The following BRINP3 variants were observed in gnomAD, a reference collection of about 807,000 sequenced individuals.
BRINP3 encodes the protein BMP/retinoic acid-inducible neural-specific protein 3.
Under a neutral mutation model 71.0 loss-of-function variants are expected in BRINP3, and 19 were observed. That is an observed-to-expected ratio of 0.27 (90% CI 0.19 to 0.39). BRINP3 has a LOEUF of 0.39. BRINP3 is among the 10% of genes least tolerant of loss of function. The pLI is 1.00. For synonymous variants in BRINP3, 380 were observed against 337.7 expected (o/e 1.13, Z -1.37); for missense variants, 959 against 940.8 (o/e 1.02, Z -0.25).
chr1:190,398,338 G>A (rs1671712809), intron 2 of BRINP3, among the ~76,000 whole-genome samples: 1 of 151,868 alleles, frequency 6.6e-6, no homozygotes, highest in Non-Finnish European at 1.5e-5. Flanking sequence ...ACAGGAAGCC[G>A]ACTATATATC....
intron 2 of BRINP3, among the ~76,000 whole-genome samples, chr1:190,441,674 A>C (rs1674830334): frequency 6.6e-6 from 1 of 152,288 alleles, no homozygotes; most frequent in African/African-American, 2.4e-5. Context: ...AAAGAAAATT[A>C]TTGACAGATT....
chr1:190,132,059 A>G (rs1193059654), intron 7 of BRINP3, among the ~76,000 whole-genome samples: 1 of 152,048 alleles, frequency 6.6e-6, no homozygotes, highest in Non-Finnish European at 1.5e-5. Flanking sequence ...CTAAGCATCA[A>G]TTTATAATAT....
chr1:190,362,841 T>A (rs1413390045), intron 2 of BRINP3, among the ~76,000 whole-genome samples: 1 of 152,108 alleles, frequency 6.6e-6, no homozygotes, highest in Non-Finnish European at 1.5e-5. Context: ...GAACTGTGAG[T>A]CCATTAAATC....
chr1:190,318,896 G>T (rs12090663), intron 2 of BRINP3, among the ~76,000 whole-genome samples: 1 of 151,846 alleles, frequency 6.6e-6, no homozygotes, highest in African/African-American at 2.4e-5. Context: ...ATAACAAAGC[G>T]CAGATGTAGA....
intron 6 of BRINP3, among the ~76,000 whole-genome samples, chr1:190,193,309 T>C (rs1482007822): frequency 6.6e-6 from 1 of 151,950 alleles, no homozygotes; most frequent in African/African-American, 2.4e-5. Flanking sequence ...TGAGAGGTAA[T>C]GTGTGAAGCC....
At chr1:190,178,739 T>C (rs1652777124) in intron 6 of BRINP3, among the ~76,000 whole-genome samples, 1 of 151,996 alleles carries the variant, frequency 6.6e-6, no homozygotes, top group South Asian at 2.1e-4. Context: ...GCAACCACTA[T>C]AGAGATGAAA....
chr1:190,362,975 A>T (rs980909251), intron 2 of BRINP3, among the ~76,000 whole-genome samples: 1 of 150,176 alleles, frequency 6.7e-6, no homozygotes, highest in East Asian at 1.9e-4. Flanking sequence ...AACTGTGATC[A>T]TGATAGGATA....
chr1:190,121,821 C>A (rs1653687576), intron 7 of BRINP3, among the ~76,000 whole-genome samples: 1 of 151,756 alleles, frequency 6.6e-6, no homozygotes, highest in Non-Finnish European at 1.5e-5. Flanking sequence ...TGGAATGAAT[C>A]AATACATGAA....
chr1:190,263,414 T>A (rs1661362185), intron 4 of BRINP3, among the ~76,000 whole-genome samples: 1 of 152,092 alleles, frequency 6.6e-6, no homozygotes, highest in African/African-American at 2.4e-5. Flanking sequence ...CCCAACATCA[T>A]CTACTAGCAA....
chr1:190,115,648 C>G (rs1297259930), intron 7 of BRINP3, among the ~76,000 whole-genome samples: 3 of 152,114 alleles, frequency 2.0e-5, no homozygotes, highest in Non-Finnish European at 2.9e-5. Flanking sequence ...CATCCCGACT[C>G]TCTGCCTCAC....
At chr1:190,426,585 T>G (rs1350419174) in intron 2 of BRINP3, among the ~76,000 whole-genome samples, 1 of 151,806 alleles carries the variant, frequency 6.6e-6, no homozygotes, top group African/African-American at 2.4e-5. Context: ...GGATTTCAGA[T>G]TTTTCAATTA....
At chr1:190,236,278 G>A (rs1201287703) in intron 4 of BRINP3, among the ~76,000 whole-genome samples, 1 of 152,002 alleles carries the variant, frequency 6.6e-6, no homozygotes, top group East Asian at 1.9e-4. Flanking sequence ...AAGTTAAGAA[G>A]CTCACTGTGG....
chr1:190,144,118 A>G (rs1344597241), intron 7 of BRINP3, among the ~76,000 whole-genome samples: 2 of 152,146 alleles, frequency 1.3e-5, no homozygotes, highest in African/African-American at 4.8e-5. Flanking sequence ...GGCATAGGAG[A>G]CACAAAATGT....
chr1:190,384,134 T>C (rs912744273), intron 2 of BRINP3, among the ~76,000 whole-genome samples: 2 of 151,564 alleles, frequency 1.3e-5, no homozygotes. Flanking sequence ...TGAGATAATA[T>C]TGGCCACAAA....
chr1:190,294,639 G>T (rs1474811597), intron 2 of BRINP3, among the ~76,000 whole-genome samples: 1 of 151,962 alleles, frequency 6.6e-6, no homozygotes, highest in Non-Finnish European at 1.5e-5. Context: ...AATCAATTTT[G>T]TTAGGTTATA....
rs562180986 is a variant in BRINP3 at position 190,098,075 on chromosome 1, C to T, written c.2244G>A (p.Ala748=). 3.7e-6 allele frequency: 6 copies of T among 1,613,948 alleles called. No individual in the cohort carries two copies. The African/African-American group carries it at 4.0e-5, about 11-fold the overall frequency. ...TTGTGTTTGGCAATTTGGCATTAAA[C>T]GCCTGCAGAGCAGATTGGATCCTCA... ...EVVRIQSALQ[A]FNAKLPNTMD... is the part of the protein sequence containing the mutation. Residue 748 remains alanine, a synonymous_variant, in exon 8 of 8, where the codon GCG becomes GCA. Transcript: ENST00000367462.
intron 2 of BRINP3, among the ~76,000 whole-genome samples, chr1:190,334,199 C>T (rs942090686): frequency 2.0e-5 from 3 of 151,704 alleles, no homozygotes; most frequent in Non-Finnish European, 2.9e-5. Context: ...GCAAATAAAG[C>T]AGCTTGATTT....
At chr1:190,315,237 A>C (rs930024491) in intron 2 of BRINP3, among the ~76,000 whole-genome samples, 5 of 152,132 alleles carry the variant, frequency 3.3e-5, no homozygotes, top group African/African-American at 1.2e-4. Context: ...TTAAGATTAG[A>C]TGCCATGGAA....
chr1:190,242,039 C>T (rs7513756), intron 4 of BRINP3, among the ~76,000 whole-genome samples: 85,976 of 151,306 alleles, frequency 0.57, 24,660 homozygotes, highest in Admixed American at 0.68. Context: ...TATCAGACTG[C>T]AATTCAATGT....
Sources: allele counts gnomAD v4.1 joint callset (sites outside exome capture counted in the v4.1 genomes callset), GRCh38; gene constraint gnomAD v4.1.1; transcripts MANE v1.5; gene names NCBI Gene and HGNC (gene_info 2026-07-23, HGNC 2026-07-21).